RORA: variants seen among roughly 807,000 people sequenced by gnomAD.
The protein encoded by RORA is nuclear receptor ROR-alpha.
A neutral mutation model predicts 69.5 loss-of-function variants in RORA; 7 were observed. That is an observed-to-expected ratio of 0.10 (90% CI 0.06 to 0.19). RORA has a LOEUF of 0.19. Ranked by LOEUF, RORA falls within the 10% of genes least tolerant of loss-of-function variation. The pLI is 1.00. For missense variants in RORA, 457 were observed against 663.0 expected, an observed-to-expected ratio of 0.69 and a Z score of 3.41; for synonymous variants, 261 against 240.8, an observed-to-expected ratio of 1.08 and a Z score of -0.78.
rs565000674 is a variant in RORA at position 61,031,007 on chromosome 15, A to C, written c.166+198046T>G. Among the ~76,000 whole-genome samples, 3 of 152,344 alleles carry C rather than the reference A, an allele frequency of 2.0e-5. No individual in the cohort carries two copies. The East Asian group carries it at 5.8e-4, about 29-fold the overall frequency. On this transcript the variant is annotated intron_variant, in intron 1 of 10. Coordinates refer to ENST00000335670, the MANE Select transcript of RORA (RefSeq NM_134261.3). ...AATTAAAAAACCCAGGTTATTTAAA[A>C]TATCATTATTCAAGTACTTCAAGAC...
chr15:60,989,188 A>C (rs1481362152), intron 1 of RORA, among the ~76,000 whole-genome samples: 2 of 152,198 alleles, frequency 1.3e-5, no homozygotes, highest in Non-Finnish European at 2.9e-5. Context: ...TCGCCCCTGA[A>C]AAACAACCCA....
At chr15:61,188,602 C>G (rs2079767197) in intron 1 of RORA, among the ~76,000 whole-genome samples, 1 of 151,814 alleles carries the variant, frequency 6.6e-6, no homozygotes, top group Non-Finnish European at 1.5e-5. Context: ...CTCACATTGT[C>G]TGAGTAACAA....
chr15:60,709,540 A>G (rs2071114451), intron 1 of RORA, among the ~76,000 whole-genome samples: 1 of 152,066 alleles, frequency 6.6e-6, no homozygotes, highest in South Asian at 2.1e-4. Context: ...CCTGAGCTCC[A>G]GATTCTGTCA....
chr15:60,731,154 G>A (rs780560566), intron 1 of RORA, among the ~76,000 whole-genome samples: 7 of 152,152 alleles, frequency 4.6e-5, no homozygotes, highest in African/African-American at 7.2e-5. Flanking sequence ...GTGAACTTTG[G>A]TGAGCCATAT....
chr15:61,153,618 T>C (rs767764315), intron 1 of RORA, among the ~76,000 whole-genome samples: 9 of 152,240 alleles, frequency 5.9e-5, no homozygotes, highest in Non-Finnish European at 1.2e-4. Context: ...ACTTGAATGT[T>C]TGGCTATATA....
chr15:60,646,672 C>A (rs1159880584), intron 2 of RORA, among the ~76,000 whole-genome samples: 2 of 152,172 alleles, frequency 1.3e-5, no homozygotes, highest in Non-Finnish European at 2.9e-5. Context: ...GAATAAGAAC[C>A]CATTGCTCTC....
intron 1 of RORA, among the ~76,000 whole-genome samples, chr15:60,826,740 G>GCT (rs72326847): frequency 0.096 from 11,579 of 120,470 alleles, 1,009 homozygotes; most frequent in African/African-American, 0.23. Flanking sequence ...TATTCTACCT[G>GCT]CTCTCTCTCT....
chr15:60,787,036 T>C (rs1467406105), intron 1 of RORA, among the ~76,000 whole-genome samples: 1 of 152,240 alleles, frequency 6.6e-6, no homozygotes, highest in Non-Finnish European at 1.5e-5. Context: ...TTTCAGTCTA[T>C]AGCTCTGAGA....
intron 1 of RORA, among the ~76,000 whole-genome samples, chr15:60,834,259 T>G: frequency 6.6e-6 from 1 of 152,224 alleles, no homozygotes; most frequent in Admixed American, 6.5e-5. Context: ...CCTTGAACCT[T>G]ACTCTCATGT....
chr15:60,862,711 T>G (rs1366019925), intron 1 of RORA, among the ~76,000 whole-genome samples: 2 of 152,186 alleles, frequency 1.3e-5, no homozygotes, highest in Non-Finnish European at 1.5e-5. Context: ...CAGCTTCCCT[T>G]CCCAGAGCTT....
chr15:60,559,452 G>C (rs1355531492), intron 2 of RORA, among the ~76,000 whole-genome samples: 1 of 152,206 alleles, frequency 6.6e-6, no homozygotes, highest in African/African-American at 2.4e-5. Context: ...TAAATAGGAT[G>C]TACTGGGTCT....
chr15:61,180,143 CA>C (rs71456351), intron 1 of RORA, among the ~76,000 whole-genome samples: 2,513 of 36,662 alleles, frequency 0.069, 11 homozygotes, highest in African/African-American at 0.19. Flanking sequence ...GACTCCATCT[CA>C]AAAAAAAAAA....
chr15:60,809,403 A>T (rs991740283), intron 1 of RORA, among the ~76,000 whole-genome samples: 1 of 152,222 alleles, frequency 6.6e-6, no homozygotes, highest in East Asian at 1.9e-4. Context: ...AAATAATTCT[A>T]CAAAGCTTTA....
intron 1 of RORA, among the ~76,000 whole-genome samples, chr15:61,081,285 C>T (rs2078535739): frequency 6.6e-6 from 1 of 152,026 alleles, no homozygotes; most frequent in Non-Finnish European, 1.5e-5. Context: ...TTTGTCTGTT[C>T]CTTATTGCCT....
At chr15:60,967,137 A>T (rs1197116438) in intron 1 of RORA, among the ~76,000 whole-genome samples, 1 of 152,200 alleles carries the variant, frequency 6.6e-6, no homozygotes, top group Non-Finnish European at 1.5e-5. Context: ...ACACATCATG[A>T]CTTTAAGTCC....
intron 1 of RORA, among the ~76,000 whole-genome samples, chr15:60,935,860 T>C (rs2140318367): frequency 6.6e-6 from 1 of 152,372 alleles, no homozygotes; most frequent in South Asian, 2.1e-4. Context: ...CTAAGACGTG[T>C]ATCTTCCCAA....
intron 2 of RORA, among the ~76,000 whole-genome samples, chr15:60,596,444 T>C (rs966895531): frequency 1.3e-5 from 2 of 152,090 alleles, no homozygotes; most frequent in Non-Finnish European, 2.9e-5. Context: ...CTGTGACCTT[T>C]AGGAGTTGAG....
rs150213719 is a variant in RORA at position 61,061,489 on chromosome 15, G to A, written c.166+167564C>T. Reference sequence around the variant, plus strand: ...CTGAGAGCTATGGATGCTGTGAGCAGGGGCTTGGTAGGCCAGGATAGACAA... The same window carrying A: ...CTGAGAGCTATGGATGCTGTGAGCAAGGGCTTGGTAGGCCAGGATAGACAA... On this transcript the variant is annotated intron_variant, in intron 1 of 10. Coordinates refer to ENST00000335670, the MANE Select transcript of RORA (RefSeq NM_134261.3). The surrounding 1 kb of genome is among the most constrained non-coding windows in gnomAD (Gnocchi z 4.4). Among the ~76,000 whole-genome samples the A allele has an allele frequency of 3.7e-3, 559 of 152,268 alleles. 5 individuals carry two copies. The highest frequency in any genetic ancestry group is 5.5e-3 in the Non-Finnish European group (374 of 68,030).
intron 1 of RORA, chr15:61,212,003 TA>T (rs953390723): frequency 1.4e-4 from 22 of 151,794 alleles, no homozygotes; most frequent in African/African-American, 4.6e-4. Flanking sequence ...CTGATCAACT[TA>T]AAAAAAAATT....
Sources: allele counts gnomAD v4.1 joint callset (sites outside exome capture counted in the v4.1 genomes callset), GRCh38; gene constraint gnomAD v4.1.1; non-coding constraint Gnocchi (gnomAD v3.1); transcripts MANE v1.5; gene names NCBI Gene and HGNC (gene_info 2026-07-23, HGNC 2026-07-21).